The following RNF19A variants were observed in gnomAD, a reference collection of about 807,000 sequenced individuals.
RNF19A encodes E3 ubiquitin-protein ligase RNF19A.
Under a neutral mutation model 75.7 loss-of-function variants are expected in RNF19A, and 32 were observed. That is an observed-to-expected ratio of 0.42 (90% CI 0.32 to 0.57). The LOEUF is 0.57. Ranked by LOEUF, RNF19A falls within the 20% of genes least tolerant of loss-of-function variation. The pLI is 0.10. For synonymous variants in RNF19A, 335 were observed against 345.2 expected, an observed-to-expected ratio of 0.97 and a Z score of 0.33; for missense variants, 782 against 1,036.3, an observed-to-expected ratio of 0.75 and a Z score of 3.37.
In RNF19A at chr8:100,325,620, GC is replaced by G. The variant is rs1822523956; in HGVS notation, c.-243+10487del. Reference sequence around the variant, plus strand: ...GGGTCCTCAAGCCCAGCCTATATTTGCCATATCTTGGCCCCATCCCACAGTA... The same window carrying G: ...GGGTCCTCAAGCCCAGCCTATATTTGCATATCTTGGCCCCATCCCACAGTA... On this transcript the variant is annotated intron_variant, in intron 1 of 3. Transcript: ENST00000519527. The surrounding 1 kb of genome is among the most constrained non-coding windows in gnomAD (Gnocchi z 4.3). Among the ~76,000 whole-genome samples, 1 of 152,108 alleles carries G rather than the reference GC, an allele frequency of 6.6e-6. No individual in the cohort carries two copies. Among genetic ancestry groups the G allele is most frequent in the Admixed American group, 6.6e-5 (1 of 15,266 alleles).
Position 100,269,563 on chromosome 8 carries a change from T to A in RNF19A, c.1028+306A>T, listed in dbSNP as rs1255149703. 6.6e-6 allele frequency among the ~76,000 whole-genome samples: 1 copy of A among 152,128 alleles called. No homozygotes were observed. Among genetic ancestry groups the A allele is most frequent in the Non-Finnish European group, 1.5e-5 (1 of 67,990 alleles). On this transcript the variant is annotated intron_variant, in intron 4 of 9. Coordinates refer to ENST00000341084, the MANE Select transcript of RNF19A (RefSeq NM_183419.4). This position sits in a 1 kb window ranked among gnomAD's most constrained non-coding sequence, Gnocchi z 5.7. ...ATCATAAACTCACTCTGTGCCTAAA[T>A]GATAAAATTTATGTATGGGAAAATT... is the stretch of plus-strand genomic sequence containing the variant.
At chr8:100,286,032 A>G (rs1353123245) in intron 2 of RNF19A, among the ~76,000 whole-genome samples, 2 of 152,192 alleles carry the variant, frequency 1.3e-5, no homozygotes, top group Non-Finnish European at 2.9e-5. Flanking sequence ...TCTAATTTCA[A>G]GAGTATAACT....
Position 100,331,594 on chromosome 8 carries a change from G to A in RNF19A, c.-243+4514C>T, listed in dbSNP as rs1822611204. 6.6e-6 allele frequency among the ~76,000 whole-genome samples: 1 copy of A among 152,146 alleles called. No homozygotes were observed. The highest frequency in any genetic ancestry group is 6.5e-5 in the Admixed American group (1 of 15,278). On this transcript the variant is annotated intron_variant, in intron 1 of 3. Coordinates refer to the RNF19A transcript ENST00000519527. The surrounding 1 kb of genome is among the most constrained non-coding windows in gnomAD (Gnocchi z 5.2). ...CAAAGCTGCAGTGAGTCATGACTGTGCCACTGCACTCCAGCCTGGGTAACA... is the reference window on the plus strand; with the variant it reads ...CAAAGCTGCAGTGAGTCATGACTGTACCACTGCACTCCAGCCTGGGTAACA...
rs140271806 is a variant in RNF19A, at chr8:100,322,510, A to T, written c.-242-9138T>A. Among the ~76,000 whole-genome samples the T allele has an allele frequency of 3.3e-5, 5 of 152,348 alleles. No individual in the cohort carries two copies. Among genetic ancestry groups the T allele is most frequent in the Admixed American group, 2.0e-4 (3 of 15,296 alleles). On this transcript the variant is annotated intron_variant, in intron 1 of 3. Transcript: ENST00000519527. The surrounding 1 kb of genome is among the most constrained non-coding windows in gnomAD (Gnocchi z 5.1). ...ATTCAGACCATTTAAACTTTCTCCA[A>T]ATTAGCAATAAGGCTGTTTCATTTA...
At chr8:100,311,723 A>G (rs77897691), upstream of RNF19A, among the ~76,000 whole-genome samples, 1 of 145,638 alleles carries the variant, frequency 6.9e-6, no homozygotes, top group East Asian at 2.0e-4. Flanking sequence ...GTCTCAAAAA[A>G]AAAAAAAAAA....
chr8:100,322,692 A>G lies in RNF19A; in HGVS notation c.-242-9320T>C, dbSNP rs1822479583. Reference sequence around the variant, plus strand: ...AATCATTTCTTGTTTTTTGGTTTCAAGTGAGAGGCATGCAACTCTTCCTTT... The same window carrying G: ...AATCATTTCTTGTTTTTTGGTTTCAGGTGAGAGGCATGCAACTCTTCCTTT... On this transcript the variant is annotated intron_variant, in intron 1 of 3. Coordinates refer to the RNF19A transcript ENST00000519527. The surrounding 1 kb of genome is among the most constrained non-coding windows in gnomAD (Gnocchi z 5.1). Among the ~76,000 whole-genome samples, 1 of 152,204 alleles carries G rather than the reference A, an allele frequency of 6.6e-6. No individual in the cohort carries two copies. Among genetic ancestry groups the G allele is most frequent in the Non-Finnish European group, 1.5e-5 (1 of 68,034 alleles).
chr8:100,294,306 G>T (rs1256040289), intron 1 of RNF19A, among the ~76,000 whole-genome samples: 1 of 152,166 alleles, frequency 6.6e-6, no homozygotes, highest in South Asian at 2.1e-4. Context: ...TTTTAGAGTA[G>T]ATCTGTGGAA....
At position 100,329,687 on chromosome 8, in the gene RNF19A, T is replaced by C. The variant is rs1006934867; in HGVS notation, c.-243+6421A>G. ...TCACCTGATATGTGGTCAAAAGAAC[T>C]GGTTGTACTTGGCTAAGAGAGAAAA... On this transcript the variant is annotated intron_variant, in intron 1 of 3. Coordinates refer to the RNF19A transcript ENST00000519527. This position sits in a 1 kb window ranked among gnomAD's most constrained non-coding sequence, Gnocchi z 4.3. 7.2e-5 allele frequency among the ~76,000 whole-genome samples: 11 copies of C among 152,172 alleles called. No individual in the cohort carries two copies. The highest frequency in any genetic ancestry group is 7.2e-4 in the Admixed American group (11 of 15,276).
At chr8:100,278,638 A>C (rs1043461107) in intron 2 of RNF19A, among the ~76,000 whole-genome samples, 5 of 152,200 alleles carry the variant, frequency 3.3e-5, no homozygotes, top group Non-Finnish European at 5.9e-5. Flanking sequence ...TATTTATAAA[A>C]ATATACAAGG....
rs762916906 is a variant in RNF19A at position 100,259,027 on chromosome 8, AC to A, written c.2045del (p.Gly682ValfsTer3). 6.2e-7 allele frequency: 1 copy of A among 1,614,044 alleles called. No individual in the cohort carries two copies. The highest frequency in any genetic ancestry group is 1.1e-5 in the South Asian group (1 of 91,074). ...CTCTCGTCTCATTTATCTTCATGTT[AC>A]CCTTTTTCCTCAGTTTACCACTTTT... ...KSKSGKLRKK[G>X]NMKINETRED... On this transcript the variant is annotated frameshift_variant, in exon 10 of 10. Transcript: ENST00000341084. LOFTEE classifies it high-confidence loss of function. This position sits in a 1 kb window ranked among gnomAD's most constrained non-coding sequence, Gnocchi z 4.5.
At chr8:100,334,002 C>T (rs1822643776) in intron 1 of RNF19A, among the ~76,000 whole-genome samples, 1 of 152,170 alleles carries the variant, frequency 6.6e-6, no homozygotes, top group Non-Finnish European at 1.5e-5. Flanking sequence ...AAACATCCTC[C>T]ACCCTAGTTG....
At position 100,330,186 on chromosome 8, in the gene RNF19A, C is replaced by G. The variant is rs916981536; in HGVS notation, c.-243+5922G>C. Among the ~76,000 whole-genome samples, 3 of 152,202 alleles carry G rather than the reference C, an allele frequency of 2.0e-5. No homozygotes were observed. The highest frequency in any genetic ancestry group is 2.9e-5 in the Non-Finnish European group (2 of 68,028). ...GCTCCCACAATCTCCCCAACCTTCT[C>G]TAGCATCTTAACTTTTTCTCTCTCC... is the stretch of plus-strand genomic sequence containing the variant. On this transcript the variant is annotated intron_variant, in intron 1 of 3. Transcript: ENST00000519527. The surrounding 1 kb of genome is among the most constrained non-coding windows in gnomAD (Gnocchi z 4.1).
At chr8:100,291,291 G>T (rs1821283332) in intron 1 of RNF19A, among the ~76,000 whole-genome samples, 1 of 152,190 alleles carries the variant, frequency 6.6e-6, no homozygotes, top group African/African-American at 2.4e-5. Flanking sequence ...GAAATGGAAT[G>T]TAAGATAACC....
At position 100,325,994 on chromosome 8, in the gene RNF19A, C is replaced by G. The variant is rs542210676; in HGVS notation, c.-243+10114G>C. On this transcript the variant is annotated intron_variant, in intron 1 of 3. Coordinates refer to the RNF19A transcript ENST00000519527. The surrounding 1 kb of genome is among the most constrained non-coding windows in gnomAD (Gnocchi z 4.3). ...GTTGGACACTTATCCTATTACAAAT[C>G]TATGTGCTACAAAGCTATATGCTAT... Among the ~76,000 whole-genome samples, 6 of 152,308 alleles carry G rather than the reference C, an allele frequency of 3.9e-5. 1 individual carries two copies. The highest frequency in any genetic ancestry group is 1.4e-4 in the African/African-American group (6 of 41,574).
intron 1 of RNF19A, chr8:100,309,193 T>A (rs1822187358): frequency 2.1e-6 from 1 of 470,302 alleles, no homozygotes; most frequent in South Asian, 9.0e-5. Flanking sequence ...GGGGAGACAA[T>A]CCCGGAAGAC....
chr8:100,307,888 G>T (rs1436614724), intron 1 of RNF19A, among the ~76,000 whole-genome samples: 1 of 152,092 alleles, frequency 6.6e-6, no homozygotes, highest in South Asian at 2.1e-4. Context: ...CGTGTGTTAG[G>T]CAGAAAATAA....
At chr8:100,265,172 T>C (rs1819913976) in intron 5 of RNF19A, among the ~76,000 whole-genome samples, 1 of 152,210 alleles carries the variant, frequency 6.6e-6, no homozygotes, top group African/African-American at 2.4e-5. Flanking sequence ...AAGGTTTCTT[T>C]CTAAAGAATA....
chr8:100,263,307 G>A (rs1430334783), intron 7 of RNF19A, among the ~76,000 whole-genome samples: 2 of 152,094 alleles, frequency 1.3e-5, no homozygotes, highest in Non-Finnish European at 2.9e-5. Context: ...TTCAAGAAGG[G>A]TAGAGTCTCT....
rs1822629023 is a variant in RNF19A, at chr8:100,332,905, T to C, written c.-243+3203A>G. On this transcript the variant is annotated intron_variant, in intron 1 of 3. Transcript: ENST00000519527. The surrounding 1 kb of genome is among the most constrained non-coding windows in gnomAD (Gnocchi z 4.8). Reference sequence around the variant, plus strand: ...AAATTAGCCTCTTTTCTATCATATGTGTTTCAATTTTTTTCTATATTGCTG... The same window carrying C: ...AAATTAGCCTCTTTTCTATCATATGCGTTTCAATTTTTTTCTATATTGCTG... Among the ~76,000 whole-genome samples the C allele has an allele frequency of 6.6e-6, 1 of 152,240 alleles. No individual in the cohort carries two copies. The highest frequency in any genetic ancestry group is 6.5e-5 in the Admixed American group (1 of 15,284).
Sources: gnomAD v4.1 joint callset for allele counts (sites outside exome capture counted in the v4.1 genomes callset) on GRCh38, gnomAD v4.1.1 for gene constraint, Gnocchi (gnomAD v3.1) non-coding constraint, MANE v1.5 for transcripts, NCBI Gene and HGNC (gene_info 2026-07-23, HGNC 2026-07-21) for gene names.